RCL1: variants seen among roughly 807,000 people sequenced by gnomAD.
RCL1 encodes RNA terminal phosphate cyclase like 1, also known as RNA 3'-terminal phosphate cyclase-like protein.
In RCL1, 24 loss-of-function variants were observed where a neutral mutation model predicts 42.4. The ratio of observed to expected loss-of-function variants is 0.57; its 90% CI spans 0.41 to 0.80. The LOEUF (loss-of-function observed/expected upper bound fraction) is 0.80, where lower values mean the gene tolerates loss of function less well. Among genes scored for constraint, RCL1 ranks in the 30% least tolerant of loss-of-function variants. The pLI is 0.00. For synonymous variants in RCL1, 228 were observed against 177.3 expected, an observed-to-expected ratio of 1.29 and a Z score of -2.27; for missense variants, 578 against 467.9, an observed-to-expected ratio of 1.24 and a Z score of -2.17.
At chr9:4,849,418 T>C in intron 7 of RCL1, 29 bp from the exon 8 acceptor site, 1 of 1,564,174 alleles carries the variant, frequency 6.4e-7, no homozygotes. Flanking sequence ...CATTTTCTGG[T>C]TTGTACAATT....
intron 1 of RCL1, among the ~76,000 whole-genome samples, chr9:4,795,639 T>C (rs755285278): frequency 8.6e-5 from 13 of 151,974 alleles, no homozygotes; most frequent in Non-Finnish European, 1.8e-4. Flanking sequence ...ATTCTCAGAG[T>C]TGGAAAAAAC....
intron 3 of RCL1, among the ~76,000 whole-genome samples, chr9:4,831,960 G>A (rs1034673347): frequency 4.6e-5 from 7 of 152,164 alleles, no homozygotes; most frequent in South Asian, 2.1e-4. Context: ...AGCAGAGCTG[G>A]GACCAGGACT....
At chr9:4,800,890 G>T (rs1842989652) in intron 1 of RCL1, among the ~76,000 whole-genome samples, 1 of 152,096 alleles carries the variant, frequency 6.6e-6, no homozygotes, top group Non-Finnish European at 1.5e-5. Context: ...CTGACCTCAA[G>T]TAATCCTCCT....
rs1255905866 is a variant in RCL1, at chr9:4,849,463, C to T, written c.884C>T (p.Ser295Leu). 5.0e-6 allele frequency: 8 copies of T among 1,613,660 alleles called. No individual in the cohort carries two copies. The highest frequency in any genetic ancestry group is 2.2e-5 in the South Asian group (2 of 91,070). ...EEIYRGGCVD[S>L]TNQSLALLLM... ...TGTTTACAGGGTGGATGCGTAGACT[C>T]GACCAACCAAAGCCTGGCGCTACTA... is the stretch of plus-strand genomic sequence containing the variant. The change falls in exon 8 of 9, where the codon TCG (serine) becomes TTG (leucine). Residue 295 changes from serine to leucine, a missense_variant. Ser to Leu is a moderately radical substitution (Grantham distance 145, BLOSUM62 -2). Coordinates refer to ENST00000381750, the MANE Select transcript of RCL1 (RefSeq NM_005772.5).
At chr9:4,855,929 G>A (rs1481886142) in intron 8 of RCL1, among the ~76,000 whole-genome samples, 1 of 152,192 alleles carries the variant, frequency 6.6e-6, no homozygotes, top group Non-Finnish European at 1.5e-5. Flanking sequence ...TCAGAAGCAA[G>A]CTGAGGGCCC....
chr9:4,822,775 C>T (rs569841367), intron 1 of RCL1, among the ~76,000 whole-genome samples: 53 of 152,172 alleles, frequency 3.5e-4, no homozygotes, highest in Admixed American at 1.7e-3. Flanking sequence ...GAGACGTGAT[C>T]ACGCCACTAT....
rs1730786795 is a variant in RCL1 at position 4,855,361 on chromosome 9, G to GGT, written c.972-4763_972-4762dup. On this transcript the variant is annotated intron_variant, in intron 8 of 8. Coordinates refer to ENST00000381750, the MANE Select transcript of RCL1 (RefSeq NM_005772.5). ...GCAGAGCTGCTCTCGGTGAGCGGTG[G>GGT]GTCTCTTTGCCCTGGGTGTGTGGCT... 1.7e-4 allele frequency among the ~76,000 whole-genome samples: 5 copies of GGT among 29,678 alleles called. 1 individual carries two copies. The South Asian group carries it at 5.1e-3, about 30-fold the overall frequency. The allele number at this position is 29,678 out of a possible 152,430, so 19.5% of individuals were successfully genotyped here. A position where few individuals can be genotyped will look rare whatever the true frequency, so the allele number is the denominator to read the frequency against.
chr9:4,834,558 G>A (rs1405231011), intron 5 of RCL1, among the ~76,000 whole-genome samples: 1 of 151,110 alleles, frequency 6.6e-6, no homozygotes, highest in African/African-American at 2.4e-5. Flanking sequence ...GCTTTGGTTT[G>A]GGGGCCATGA....
At chr9:4,818,612 G>C (rs926843113) in intron 1 of RCL1, among the ~76,000 whole-genome samples, 3 of 152,106 alleles carry the variant, frequency 2.0e-5, no homozygotes, top group Non-Finnish European at 4.4e-5. Flanking sequence ...GCCGGGCTAG[G>C]TGGCTCACGC....
At chr9:4,847,349 G>A (rs2129694767) in intron 7 of RCL1, among the ~76,000 whole-genome samples, 1 of 152,296 alleles carries the variant, frequency 6.6e-6, no homozygotes, top group East Asian at 1.9e-4. Flanking sequence ...GTAGAGTTGT[G>A]ATGTGACATG....
chr9:4,834,059 G>C (rs969814175), intron 4 of RCL1, 82 bp from the exon 5 acceptor site: 7 of 1,489,842 alleles, frequency 4.7e-6, no homozygotes, highest in Middle Eastern at 2.2e-4. Context: ...GCATCTGCTG[G>C]TGTAAACCTT....
In RCL1 at chr9:4,850,460, T is replaced by G. The variant is rs1025448164; in HGVS notation, c.971+910T>G. On this transcript the variant is annotated intron_variant, in intron 8 of 8. Coordinates refer to ENST00000381750, the MANE Select transcript of RCL1 (RefSeq NM_005772.5). ...CGTTGGGGGCATGAAAACCAGGAGCTTGAAATAAATTCTTATGGAGGCTTT... is the reference window on the plus strand; with the variant it reads ...CGTTGGGGGCATGAAAACCAGGAGCGTGAAATAAATTCTTATGGAGGCTTT... 3 of 289,732 alleles carry G rather than the reference T, an allele frequency of 1.0e-5. No individual in the cohort carries two copies. In the East Asian group the frequency reaches 2.9e-4, roughly 28 times the overall value. The allele number at this position is 289,732 out of a possible 1,614,324, so 17.9% of individuals were successfully genotyped here. A position where few individuals can be genotyped will look rare whatever the true frequency, so the allele number is the denominator to read the frequency against.
intron 3 of RCL1, among the ~76,000 whole-genome samples, chr9:4,832,819 A>AT (rs1816988304): frequency 1.3e-5 from 2 of 151,418 alleles, no homozygotes; most frequent in Admixed American, 1.3e-4. Context: ...AAAAAAAAAA[A>AT]AAAAAAAAAA....
intron 5 of RCL1, among the ~76,000 whole-genome samples, chr9:4,837,810 G>A (rs566109486): frequency 6.6e-6 from 1 of 152,312 alleles, no homozygotes; most frequent in Non-Finnish European, 1.5e-5. Flanking sequence ...GAGCCAGGAA[G>A]AGACTTGTGA....
chr9:4,814,233 GTTCTTTC>G (rs1816289395), intron 1 of RCL1, among the ~76,000 whole-genome samples: 1 of 151,404 alleles, frequency 6.6e-6, no homozygotes, highest in East Asian at 1.9e-4. Flanking sequence ...GTTGAGGTGT[GTTCTTTC>G]TATACCTAAC....
At chr9:4,814,962 C>T (rs1816320216) in intron 1 of RCL1, among the ~76,000 whole-genome samples, 1 of 151,572 alleles carries the variant, frequency 6.6e-6, no homozygotes. Flanking sequence ...TATAAGGTTT[C>T]TCTGGAGAAA....
rs1156376448 is a variant in RCL1, at chr9:4,860,294, G to T, written c.*19G>T. 6.8e-6 allele frequency: 11 copies of T among 1,610,354 alleles called. No homozygotes were observed. The highest frequency in any genetic ancestry group is 9.3e-6 in the Non-Finnish European group (11 of 1,178,616). On this transcript the variant is annotated 3_prime_UTR_variant, in exon 9 of 9. Transcript: ENST00000381750. ...CAAGTGATAACCATCACAAGATAAG[G>T]CCCCAATGCCTACAGACAAAGCAGA... is the stretch of plus-strand genomic sequence containing the variant.
Position 4,860,684 on chromosome 9 carries a change from C to A in RCL1, c.*409C>A, listed in dbSNP as rs1818143494. On this transcript the variant is annotated 3_prime_UTR_variant, in exon 9 of 9. Coordinates refer to ENST00000381750, the MANE Select transcript of RCL1 (RefSeq NM_005772.5). ...TGTTACTGTTCTTTCTGCAAGGACT[C>A]ACCTCCTTGAGCCTTGGTTTTTGTT... The A allele has an allele frequency of 6.0e-6, 1 of 165,540 alleles. No individual in the cohort carries two copies. The highest frequency in any genetic ancestry group is 2.4e-5 in the African/African-American group (1 of 41,652). The allele number at this position is 165,540 out of a possible 1,614,324, so 10.3% of individuals were successfully genotyped here. A position where few individuals can be genotyped will look rare whatever the true frequency, so the allele number is the denominator to read the frequency against.
intron 1 of RCL1, among the ~76,000 whole-genome samples, chr9:4,796,909 C>T (rs1411444224): frequency 2.0e-5 from 3 of 152,064 alleles, no homozygotes; most frequent in African/African-American, 7.2e-5. Flanking sequence ...AATTGCTGGG[C>T]CATATGGTAG....
Sources: gnomAD v4.1 joint callset for allele counts (sites outside exome capture counted in the v4.1 genomes callset) on GRCh38, gnomAD v4.1.1 for gene constraint, MANE v1.5 for transcripts, NCBI Gene and HGNC (gene_info 2026-07-23, HGNC 2026-07-21) for gene names.